DHDDS: variants seen among roughly 807,000 people sequenced by gnomAD.
DHDDS encodes dehydrodolichyl diphosphate synthase complex subunit DHDDS.
Under a neutral mutation model 46.2 loss-of-function variants are expected in DHDDS, and 16 were observed. The observed-to-expected ratio is 0.35, with a 90% CI of 0.23 to 0.53. The LOEUF (loss-of-function observed/expected upper bound fraction) is 0.53, where lower values mean the gene tolerates loss of function less well. DHDDS is among the 20% of genes least tolerant of loss of function. The pLI, the probability that DHDDS is intolerant of heterozygous loss-of-function variation, is 0.94. For missense variants in DHDDS, 340 were observed against 423.7 expected (o/e 0.80, Z 1.73); for synonymous variants, 151 against 163.1 (o/e 0.93, Z 0.56).
At chr1:26,464,168 T>G (rs993505573) in intron 8 of DHDDS, among the ~76,000 whole-genome samples, 1 of 151,892 alleles carries the variant, frequency 6.6e-6, no homozygotes, top group African/African-American at 2.4e-5. Context: ...AATTTTTGTA[T>G]TTTTAGTAGA....
At chr1:26,436,540 C>T (rs1056215098) in intron 2 of DHDDS, among the ~76,000 whole-genome samples, 5 of 152,008 alleles carry the variant, frequency 3.3e-5, no homozygotes, top group African/African-American at 9.7e-5. Context: ...TCTGCTGCCT[C>T]AGCCTGCCAA....
intron 8 of DHDDS, among the ~76,000 whole-genome samples, chr1:26,466,520 T>C (rs556178489): frequency 6.6e-6 from 1 of 152,364 alleles, no homozygotes; most frequent in South Asian, 2.1e-4. Context: ...GCTGTCATTT[T>C]CTGTAAAATG....
At chr1:26,432,542 T>C (rs2075114765) in intron 1 of DHDDS, 166 bp downstream of exon 1, 2 of 270,798 alleles carry the variant, frequency 7.4e-6, no homozygotes, top group African/African-American at 4.4e-5. Flanking sequence ...AGCACAGAGT[T>C]GGAAACAGCT....
At chr1:26,445,908 A>G (rs2075263197) in intron 4 of DHDDS, among the ~76,000 whole-genome samples, 1 of 151,768 alleles carries the variant, frequency 6.6e-6, no homozygotes, top group Non-Finnish European at 1.5e-5. Flanking sequence ...CTGTAATCCC[A>G]GCTACTTGGG....
chr1:26,436,254 C>G (rs1269391061), intron 2 of DHDDS, among the ~76,000 whole-genome samples: 1 of 152,032 alleles, frequency 6.6e-6, no homozygotes, highest in Non-Finnish European at 1.5e-5. Flanking sequence ...AAAAAATTAG[C>G]TGGGTGTGGT....
At chr1:26,460,731 A>T (rs549897564) in intron 8 of DHDDS, among the ~76,000 whole-genome samples, 1 of 152,322 alleles carries the variant, frequency 6.6e-6, no homozygotes, top group East Asian at 1.9e-4. Context: ...ATGAGGATCT[A>T]CGAGGGCACT....
intron 3 of DHDDS, chr1:26,438,570 T>A: frequency 2.7e-6 from 1 of 375,094 alleles, no homozygotes; most frequent in Non-Finnish European, 5.2e-6. Flanking sequence ...CAAAAAAATT[T>A]AAAAATTAGC....
At chr1:26,456,770 T>G (rs1327583880) in intron 6 of DHDDS, among the ~76,000 whole-genome samples, 1 of 152,248 alleles carries the variant, frequency 6.6e-6, no homozygotes, top group Non-Finnish European at 1.5e-5. Flanking sequence ...CTTCCTTACT[T>G]CTTATCCAAT....
chr1:26,438,336 A>T, intron 3 of DHDDS, 52 bp downstream of exon 3: 1 of 1,529,004 alleles, frequency 6.5e-7, no homozygotes. Flanking sequence ...GAGGTAGATT[A>T]TAGCTAGAAA....
At chr1:26,451,602 C>T (rs1305612048) in intron 6 of DHDDS, among the ~76,000 whole-genome samples, 1 of 151,330 alleles carries the variant, frequency 6.6e-6, no homozygotes, top group Non-Finnish European at 1.5e-5. Flanking sequence ...ATTATAGGTG[C>T]ACACCACCAC....
intron 6 of DHDDS, among the ~76,000 whole-genome samples, chr1:26,453,744 C>A (rs1429787239): frequency 6.6e-6 from 1 of 152,052 alleles, no homozygotes; most frequent in Admixed American, 6.6e-5. Flanking sequence ...ACAGCCAGAT[C>A]CTGTCTCAAA....
chr1:26,446,100 T>C (rs2075265098), intron 4 of DHDDS, among the ~76,000 whole-genome samples: 1 of 152,220 alleles, frequency 6.6e-6, no homozygotes, highest in Admixed American at 6.5e-5. Context: ...TATATGACCC[T>C]GGGCAGTCCC....
intron 4 of DHDDS, 68 bp downstream of exon 4, chr1:26,442,941 T>G: frequency 6.2e-7 from 1 of 1,611,148 alleles, no homozygotes; most frequent in South Asian, 1.1e-5. Flanking sequence ...CCCTTGAAAT[T>G]CTGTTATCTG....
At chr1:26,452,807 G>GA (rs911283037) in intron 6 of DHDDS, among the ~76,000 whole-genome samples, 27 of 152,122 alleles carry the variant, frequency 1.8e-4, no homozygotes, top group African/African-American at 3.1e-4. Flanking sequence ...CAGTAAAAAA[G>GA]AAAAAAATTA....
At chr1:26,442,122 C>A (rs1351803425) in intron 3 of DHDDS, among the ~76,000 whole-genome samples, 1 of 152,140 alleles carries the variant, frequency 6.6e-6, no homozygotes, top group Non-Finnish European at 1.5e-5. Context: ...CCTGTTTTAT[C>A]ATTTGTAAAG....
chr1:26,435,610 G>T, intron 2 of DHDDS, among the ~76,000 whole-genome samples: 1 of 149,788 alleles, frequency 6.7e-6, no homozygotes, highest in East Asian at 2.0e-4. Flanking sequence ...GCTAATTTTT[G>T]TTTTTGTTTT....
intron 6 of DHDDS, among the ~76,000 whole-genome samples, chr1:26,449,489 C>A (rs2075299681): frequency 6.6e-6 from 1 of 151,236 alleles, no homozygotes; most frequent in Non-Finnish European, 1.5e-5. Context: ...TAGTCTGTGC[C>A]TCCCGGGCCC....
chr1:26,445,285 A>G (rs2075257450), intron 4 of DHDDS, among the ~76,000 whole-genome samples: 1 of 152,258 alleles, frequency 6.6e-6, no homozygotes, highest in Non-Finnish European at 1.5e-5. Flanking sequence ...TCACTAGAAC[A>G]TAACAAAAGT....
Position 26,470,396 on chromosome 1 carries a change from C to A in DHDDS, c.*1265C>A, listed in dbSNP as rs2075542075. 6.6e-6 allele frequency: 1 copy of A among 151,334 alleles called. No individual in the cohort carries two copies. 9.4% of individuals were successfully genotyped at this position (151,334 alleles called of 1,614,324 possible). The stretch of plus-strand genomic sequence containing the variant: ...TCCTGACCTCAGGTGATCCGCCGGC[C>A]TCACCCTCCCAAAGTGCTGGGATTA... On this transcript the variant is annotated 3_prime_UTR_variant, in exon 9 of 9. Transcript: ENST00000236342.
Sources: allele counts gnomAD v4.1 joint callset (sites outside exome capture counted in the v4.1 genomes callset), GRCh38; gene constraint gnomAD v4.1.1; transcripts MANE v1.5; gene names NCBI Gene and HGNC (gene_info 2026-07-23, HGNC 2026-07-21).